The following EPS8L3 variants were observed in gnomAD, a reference collection of about 807,000 sequenced individuals.
The protein encoded by EPS8L3 is epidermal growth factor receptor kinase substrate 8-like protein 3.
Under a neutral mutation model 88.5 loss-of-function variants are expected in EPS8L3, and 80 were observed. That is an observed-to-expected ratio of 0.90 (90% CI 0.75 to 1.09). EPS8L3 has a LOEUF of 1.09. Among genes scored for constraint, EPS8L3 ranks in the 50% least tolerant of loss-of-function variants. The pLI is 0.00. For missense variants in EPS8L3, 721 were observed against 735.2 expected, an observed-to-expected ratio of 0.98 and a Z score of 0.22; for synonymous variants, 286 against 291.0, an observed-to-expected ratio of 0.98 and a Z score of 0.18.
chr1:109,760,863 C>A (rs1407928236), intron 3 of EPS8L3, among the ~76,000 whole-genome samples: 2 of 152,134 alleles, frequency 1.3e-5, no homozygotes, highest in African/African-American at 2.4e-5. Flanking sequence ...CCCCACCACG[C>A]CCTTGTAGCC....
chr1:109,751,666 C>G lies in EPS8L3; in HGVS notation c.1551G>C (p.Gln517His). ...GGCTGGGTAGTACCCGAGAGGGTGACTGGCCCTGGGTCCCAGGGGTCCCCG... is the reference window on the plus strand; with the variant it reads ...GGCTGGGTAGTACCCGAGAGGGTGAGTGGCCCTGGGTCCCAGGGGTCCCCG... ...LQPGTPGTQG[Q>H]SPSRVPMLRL... Residue 517 changes from glutamine (Q) to histidine (H), a missense_variant, in exon 16 of 19, where the codon CAG becomes CAC. Gln to His is a conservative substitution (Grantham distance 24, BLOSUM62 0). Transcript: ENST00000361965. 6.2e-7 allele frequency: 1 copy of G among 1,614,016 alleles called. No homozygotes were observed. Among genetic ancestry groups the G allele is most frequent in the Non-Finnish European group, 8.5e-7 (1 of 1,180,010 alleles).
At chr1:109,762,424 C>G (rs1275884113) in intron 1 of EPS8L3, among the ~76,000 whole-genome samples, 1 of 152,126 alleles carries the variant, frequency 6.6e-6, no homozygotes, top group Non-Finnish European at 1.5e-5. Flanking sequence ...CCTTTAAATT[C>G]TAGCTCAAAG....
chr1:109,761,313 C>G (rs1650916366), intron 3 of EPS8L3, 182 bp downstream of exon 3: 1 of 611,532 alleles, frequency 1.6e-6, no homozygotes, highest in Non-Finnish European at 2.9e-6. Flanking sequence ...CTCCCCGTCC[C>G]TGACACTGAG....
At position 109,759,038 on chromosome 1, in the gene EPS8L3, G is replaced by A; in HGVS notation, c.461+24C>T. On this transcript the variant is annotated intron_variant, in intron 6 of 18. Coordinates refer to ENST00000361965, the MANE Select transcript of EPS8L3 (RefSeq NM_133181.4). The surrounding 1 kb of genome is among the most constrained non-coding windows in gnomAD (Gnocchi z 4.2). Reference sequence around the variant, plus strand: ...GAGGCTGAGCTGGGAGGCCCCATAGGTGGGCTGGGCAGAGGCTGCCTACCT... The same window carrying A: ...GAGGCTGAGCTGGGAGGCCCCATAGATGGGCTGGGCAGAGGCTGCCTACCT... 6.3e-7 allele frequency: 1 copy of A among 1,583,878 alleles called. No individual in the cohort carries two copies. The highest frequency in any genetic ancestry group is 8.6e-7 in the Non-Finnish European group (1 of 1,165,300).
At chr1:109,752,323 G>T in intron 14 of EPS8L3, 130 bp from the exon 15 acceptor site, 2 of 919,650 alleles carry the variant, frequency 2.2e-6, no homozygotes, top group Non-Finnish European at 3.3e-6. Context: ...TTTAGAGTTT[G>T]CTGGCAGGTC....
rs772973555 is a variant in EPS8L3, at chr1:109,750,661, C to T, written c.1769G>A (p.Gly590Glu). ...SRLEAVRRMLGISP is the reference protein window; with the variant it reads ...SRLEAVRRMLEISP Reference sequence around the variant, plus strand: ...GTCAGGACCCCAGGGTGTCCTCACCCCCAGCATCCTTCTGACAGCCTCCAG... The same window carrying T: ...GTCAGGACCCCAGGGTGTCCTCACCTCCAGCATCCTTCTGACAGCCTCCAG... The change falls in exon 18 of 19, where the codon GGG (glycine) becomes GAG (glutamate). Residue 590 changes from glycine (G) to glutamate (E), a missense_variant and splice_region_variant. Gly to Glu is a moderately conservative substitution (Grantham distance 98). Transcript: ENST00000361965. 4 of 1,614,060 alleles carry T rather than the reference C, an allele frequency of 2.5e-6. No individual in the cohort carries two copies. The highest frequency in any genetic ancestry group is 3.4e-6 in the Non-Finnish European group (4 of 1,180,024).
intron 12 of EPS8L3, among the ~76,000 whole-genome samples, chr1:109,754,005 G>A (rs549112762): frequency 1.3e-5 from 2 of 152,300 alleles, no homozygotes; most frequent in South Asian, 4.1e-4. Context: ...ATAGGAGGGA[G>A]CTATTAAGTG....
At chr1:109,753,345 GC>G in intron 12 of EPS8L3, 147 bp from the exon 13 acceptor site, 1 of 624,258 alleles carries the variant, frequency 1.6e-6, no homozygotes, top group Non-Finnish European at 2.7e-6. Flanking sequence ...CAGATGAAAG[GC>G]CCCAGGACAC....
At chr1:109,761,590 T>A in intron 2 of EPS8L3, 31 bp from the exon 3 acceptor site, 7 of 1,610,444 alleles carry the variant, frequency 4.3e-6, no homozygotes, top group Non-Finnish European at 5.9e-6. Flanking sequence ...GGGCGGGAGG[T>A]GGGCAGAAGA....
chr1:109,762,036 C>T (rs956055720), intron 1 of EPS8L3, among the ~76,000 whole-genome samples: 1 of 152,184 alleles, frequency 6.6e-6, no homozygotes, highest in African/African-American at 2.4e-5. Flanking sequence ...TCAGGGAAGG[C>T]TCCAGGCCTC....
chr1:109,759,944 C>G lies in EPS8L3; in HGVS notation c.97-108G>C. ...GAGGAAGAAGACGTGTCCTCGGCCC[C>G]CTTGAGGTAGGAGGTTCCAGGCTTC... On this transcript the variant is annotated intron_variant, in intron 3 of 18. Transcript: ENST00000361965. The surrounding 1 kb of genome is among the most constrained non-coding windows in gnomAD (Gnocchi z 4.2). 1 of 1,235,726 alleles carries G rather than the reference C, an allele frequency of 8.1e-7. No individual in the cohort carries two copies. 76.5% of individuals were successfully genotyped at this position (1,235,726 alleles called of 1,614,324 possible). A position where few individuals can be genotyped will look rare whatever the true frequency, so the allele number is the denominator to read the frequency against.
At chr1:109,754,410 CTT>C (rs1650095233) in intron 12 of EPS8L3, among the ~76,000 whole-genome samples, 1 of 152,148 alleles carries the variant, frequency 6.6e-6, no homozygotes, top group Non-Finnish European at 1.5e-5. Context: ...AAATTCAACT[CTT>C]TTGAGGGTTT....
chr1:109,751,639 C>G lies in EPS8L3; in HGVS notation c.1563+15G>C. 1 of 1,614,008 alleles carries G rather than the reference C, an allele frequency of 6.2e-7. No homozygotes were observed. Among genetic ancestry groups the G allele is most frequent in the Non-Finnish European group, 8.5e-7 (1 of 1,179,984 alleles). ...TCAAGACTTAGGGCTCTGGATAGTC[C>G]AGGCTGGGTAGTACCCGAGAGGGTG... On this transcript the variant is annotated intron_variant, in intron 16 of 18. Coordinates refer to ENST00000361965, the MANE Select transcript of EPS8L3 (RefSeq NM_133181.4).
In EPS8L3 at chr1:109,752,619, A is replaced by T; in HGVS notation, c.1235+67T>A. 2 of 1,421,910 alleles carry T rather than the reference A, an allele frequency of 1.4e-6. 1 individual carries two copies. Among genetic ancestry groups the T allele is most frequent in the Non-Finnish European group, 1.9e-6 (2 of 1,029,800 alleles). The allele number at this position is 1,421,910 out of a possible 1,614,324, so 88.1% of individuals were successfully genotyped here. A position where few individuals can be genotyped will look rare whatever the true frequency, so the allele number is the denominator to read the frequency against. On this transcript the variant is annotated intron_variant, in intron 14 of 18. Coordinates refer to ENST00000361965, the MANE Select transcript of EPS8L3 (RefSeq NM_133181.4). ...TCTCTTAAGATGTAGAGAGCCAGAG[A>T]TCCAAAGGAACAGCCCTGTCCCTCC...
At chr1:109,753,014 G>A (rs1649950481) in intron 13 of EPS8L3, 103 bp downstream of exon 13, 1 of 1,050,900 alleles carries the variant, frequency 9.5e-7, no homozygotes, top group Non-Finnish European at 1.4e-6. Flanking sequence ...TGGCTTGCCA[G>A]TGTTAGGTCA....
chr1:109,758,760 T>C, intron 6 of EPS8L3, 97 bp from the exon 7 acceptor site: 2 of 1,440,398 alleles, frequency 1.4e-6, no homozygotes, highest in Non-Finnish European at 1.9e-6. Context: ...CACCACCACC[T>C]CTCTCCAGGA....
At chr1:109,751,197 G>T in intron 17 of EPS8L3, 81 bp downstream of exon 17, 3 of 1,251,100 alleles carry the variant, frequency 2.4e-6, no homozygotes, top group South Asian at 1.3e-5. Context: ...AGGCCAGGTT[G>T]TATGTTCTGG....
At chr1:109,757,301 TG>T (rs1318970068) in intron 11 of EPS8L3, 136 bp from the exon 12 acceptor site, 20 of 1,193,970 alleles carry the variant, frequency 1.7e-5, no homozygotes, top group African/African-American at 3.1e-5. Flanking sequence ...CCATCTGCCT[TG>T]GGCCTGCTGC....
chr1:109,754,119 C>T lies in EPS8L3; in HGVS notation c.1119-921G>A, dbSNP rs577198072. On this transcript the variant is annotated intron_variant, in intron 12 of 18. Transcript: ENST00000361965. ...TTGGGTCTTGACCCTAATACTACTCCGTATAAGCTGTCATCCTATTACTTT... is the reference window on the plus strand; with the variant it reads ...TTGGGTCTTGACCCTAATACTACTCTGTATAAGCTGTCATCCTATTACTTT... Among the ~76,000 whole-genome samples, 14 of 150,674 alleles carry T rather than the reference C, an allele frequency of 9.3e-5. No individual in the cohort carries two copies. In the East Asian group the frequency reaches 1.9e-3, roughly 21 times the overall value.
Sources: allele counts gnomAD v4.1 joint callset (sites outside exome capture counted in the v4.1 genomes callset), GRCh38; gene constraint gnomAD v4.1.1; non-coding constraint Gnocchi (gnomAD v3.1); transcripts MANE v1.5; gene names NCBI Gene and HGNC (gene_info 2026-07-23, HGNC 2026-07-21).